NFIB: variants seen among roughly 807,000 people sequenced by gnomAD.
NFIB encodes nuclear factor 1 B-type.
A neutral mutation model predicts 61.5 loss-of-function variants in NFIB; 11 were observed. That is an observed-to-expected ratio of 0.18 (90% CI 0.11 to 0.30). The LOEUF is 0.30. Among genes scored for constraint, NFIB ranks in the 10% least tolerant of loss-of-function variants. The probability of loss-of-function intolerance (pLI) is 1.00; values close to 1 mark genes in which losing one functional copy is unlikely to be tolerated. For missense variants in NFIB, 471 were observed against 608.9 expected, an observed-to-expected ratio of 0.77 and a Z score of 2.38; for synonymous variants, 260 against 216.5, an observed-to-expected ratio of 1.20 and a Z score of -1.76.
intron 2 of NFIB, among the ~76,000 whole-genome samples, chr9:14,269,490 G>A (rs561462473): frequency 3.9e-5 from 6 of 152,122 alleles, no homozygotes; most frequent in Non-Finnish European, 5.9e-5. Flanking sequence ...AACAGAGAGG[G>A]CAATGAATGA....
chr9:14,386,170 T>C (rs1426574967), intron 1 of NFIB, among the ~76,000 whole-genome samples: 3 of 152,198 alleles, frequency 2.0e-5, no homozygotes, highest in African/African-American at 7.2e-5. Flanking sequence ...GAGTATATAT[T>C]ACATACACTT....
the NFIB span, among the ~76,000 whole-genome samples, chr9:14,513,457 G>A: frequency 1.4e-3 from 209 of 151,730 alleles, no homozygotes; most frequent in African/African-American, 4.7e-3. Flanking sequence ...GTGAAACCTC[G>A]TCTCTACTAA....
At chr9:14,179,648 T>TA in intron 3 of NFIB, 79 bp downstream of exon 3, 7 of 1,485,580 alleles carry the variant, frequency 4.7e-6, no homozygotes, top group Non-Finnish European at 5.6e-6. Flanking sequence ...GCTGACCAAT[T>TA]ATGGGGTGTT....
chr9:14,336,445 G>C (rs375084492), intron 1 of NFIB, among the ~76,000 whole-genome samples: 1 of 152,214 alleles, frequency 6.6e-6, no homozygotes, highest in South Asian at 2.1e-4. Flanking sequence ...TCATGGGCCT[G>C]GGGAAACCCA....
chr9:14,311,444 G>C (rs936897423), intron 1 of NFIB, among the ~76,000 whole-genome samples: 6 of 152,112 alleles, frequency 3.9e-5, no homozygotes, highest in African/African-American at 1.2e-4. Flanking sequence ...TTAGTGAAGT[G>C]AAAATTCTTA....
chr9:14,106,906 CTCAACTGAACCAATAAA>C (rs1210841559), intron 10 of NFIB, among the ~76,000 whole-genome samples: 2 of 152,112 alleles, frequency 1.3e-5, no homozygotes, highest in African/African-American at 4.8e-5. Flanking sequence ...GACAACAAAT[CTCAACTGAACCAATAAA>C]CCATTAAACT....
chr9:14,116,483 G>C, intron 8 of NFIB, 137 bp from the exon 9 acceptor site: 3 of 862,134 alleles, frequency 3.5e-6, no homozygotes, highest in Non-Finnish European at 4.8e-6. Context: ...TCGAGTCGGA[G>C]TCGGAGAGGC....
rs2032993483 is a variant in NFIB at position 14,087,225 on chromosome 9, A to G, written c.*1084T>C. On this transcript the variant is annotated 3_prime_UTR_variant, in exon 11 of 11. Transcript: ENST00000380953. ...CTCCAAGGAGGCTGCAGCTAAACCA[A>G]CATAAGTGCTGTGTTTTCATTAATT... 1 of 203,622 alleles carries G rather than the reference A, an allele frequency of 4.9e-6. No homozygotes were observed. Among genetic ancestry groups the G allele is most frequent in the East Asian group, 7.6e-5 (1 of 13,228 alleles). The allele number at this position is 203,622 out of a possible 1,614,324, so 12.6% of individuals were successfully genotyped here.
the NFIB span, among the ~76,000 whole-genome samples, chr9:14,524,903 G>T: frequency 6.6e-6 from 1 of 152,140 alleles, no homozygotes; most frequent in Non-Finnish European, 1.5e-5. Context: ...GCATTTTACA[G>T]TTTTCAAGTC....
intron 2 of NFIB, among the ~76,000 whole-genome samples, chr9:14,185,451 C>T (rs2131499049): frequency 6.6e-6 from 1 of 152,314 alleles, no homozygotes; most frequent in East Asian, 1.9e-4. Flanking sequence ...CCTTTGGACT[C>T]CTTGTGTGTC....
the NFIB span, among the ~76,000 whole-genome samples, chr9:14,476,678 T>C: frequency 6.6e-6 from 1 of 152,286 alleles, no homozygotes; most frequent in African/African-American, 2.4e-5. Flanking sequence ...TGTACAAACA[T>C]TGAGAAGTTA....
At chr9:14,480,715 A>G in the NFIB span, among the ~76,000 whole-genome samples, 2 of 152,170 alleles carry the variant, frequency 1.3e-5, no homozygotes, top group African/African-American at 2.4e-5. Context: ...AACAACATGA[A>G]TGAGACAAAC....
At chr9:14,318,339 C>G (rs1397593517), upstream of NFIB, among the ~76,000 whole-genome samples, 1 of 152,182 alleles carries the variant, frequency 6.6e-6, no homozygotes, top group East Asian at 1.9e-4. Flanking sequence ...GAGCCTTTCA[C>G]TACGGATCTC....
intron 6 of NFIB, 133 bp from the exon 7 acceptor site, chr9:14,125,899 G>A: frequency 1.7e-6 from 2 of 1,172,802 alleles, no homozygotes; most frequent in Non-Finnish European, 2.3e-6. Flanking sequence ...AATATATTCT[G>A]AGTGTCAACG....
At chr9:14,517,589 C>G in the NFIB span, among the ~76,000 whole-genome samples, 1 of 143,742 alleles carries the variant, frequency 7.0e-6, no homozygotes, top group Admixed American at 7.4e-5. Context: ...CCTTGTCCTG[C>G]AGTGGATGTG....
chr9:14,202,785 GA>G (rs967391744), intron 2 of NFIB, among the ~76,000 whole-genome samples: 7 of 152,046 alleles, frequency 4.6e-5, no homozygotes, highest in African/African-American at 1.4e-4. Context: ...TATTTCTTAT[GA>G]AAAAAATCAC....
At chr9:14,510,560 G>A in the NFIB span, among the ~76,000 whole-genome samples, 1 of 152,106 alleles carries the variant, frequency 6.6e-6, no homozygotes, top group Non-Finnish European at 1.5e-5. Context: ...TAACTGCAGT[G>A]GAAAATGCAT....
intron 2 of NFIB, among the ~76,000 whole-genome samples, chr9:14,185,123 C>G (rs781586433): frequency 1.6e-4 from 24 of 151,986 alleles, no homozygotes; most frequent in Non-Finnish European, 3.2e-4. Flanking sequence ...AGCTCAGAGG[C>G]TGCCTGAAGA....
At chr9:14,165,182 T>A (rs2044643322) in intron 3 of NFIB, among the ~76,000 whole-genome samples, 1 of 152,160 alleles carries the variant, frequency 6.6e-6, no homozygotes, top group Admixed American at 6.6e-5. Flanking sequence ...ATTTTATGTA[T>A]CCTTTATCTA....
Sources: allele counts gnomAD v4.1 joint callset (sites outside exome capture counted in the v4.1 genomes callset), GRCh38; gene constraint gnomAD v4.1.1; transcripts MANE v1.5; gene names NCBI Gene and HGNC (gene_info 2026-07-23, HGNC 2026-07-21).